SLC22A11: variants seen among roughly 807,000 people sequenced by gnomAD.
SLC22A11 encodes organic anion transporter 4.
In SLC22A11, 42 loss-of-function variants were observed where a neutral mutation model predicts 49.4. The observed-to-expected ratio is 0.85, with a 90% confidence interval of 0.66 to 1.10. The LOEUF (loss-of-function observed/expected upper bound fraction) is 1.10, where lower values mean the gene tolerates loss of function less well. Among genes scored for constraint, SLC22A11 ranks in the 50% least tolerant of loss-of-function variants. SLC22A11 has a pLI of 0.00. For synonymous variants in SLC22A11, 304 were observed against 315.8 expected, an observed-to-expected ratio of 0.96 and a Z score of 0.40; for missense variants, 685 against 731.6, an observed-to-expected ratio of 0.94 and a Z score of 0.74.
chr11:64,570,957 G>A (rs767739025), intron 9 of SLC22A11, 22 bp from the exon 10 acceptor site: 2 of 1,614,112 alleles, frequency 1.2e-6, no homozygotes, highest in Non-Finnish European at 1.7e-6. Flanking sequence ...ACATGGCACT[G>A]CTTTTCTTTG....
intron 6 of SLC22A11, 87 bp from the exon 7 acceptor site, chr11:64,567,512 C>A: frequency 7.7e-7 from 1 of 1,301,738 alleles, no homozygotes; most frequent in Non-Finnish European, 1.1e-6. Flanking sequence ...CATGTCCTCC[C>A]AGGCAGCTCC....
chr11:64,568,681 C>T lies in SLC22A11; in HGVS notation c.1285C>T (p.Leu429=), dbSNP rs1272260322. The T allele has an allele frequency of 6.2e-7, 1 of 1,614,078 alleles. No individual in the cohort carries two copies. The highest frequency in any genetic ancestry group is 8.5e-7 in the Non-Finnish European group (1 of 1,179,956). The change falls in exon 8 of 10, where the codon CTG becomes TTG. Residue 429 remains leucine, a synonymous_variant. Transcript: ENST00000301891. ...CTTCCTGTACCCAGATTTGCAGACC[C>T]TGCGTGTGGTCTTTGCTGTGCTGGG... ...NMLVPQDLQT[L]RVVFAVLGKG...
At chr11:64,568,893 C>T (rs1291318414) in intron 8 of SLC22A11, 115 bp downstream of exon 8, 4 of 834,234 alleles carry the variant, frequency 4.8e-6, no homozygotes, top group Non-Finnish European at 6.0e-6. Context: ...GCTCAGGGTC[C>T]CCCCCAGGAC....
intron 2 of SLC22A11, among the ~76,000 whole-genome samples, chr11:64,559,642 C>T (rs1196220203): frequency 1.3e-5 from 2 of 151,980 alleles, no homozygotes; most frequent in African/African-American, 2.4e-5. Flanking sequence ...AGAAGCCTCA[C>T]GTGGGCCAAA....
chr11:64,568,429 G>C (rs2038658114), intron 7 of SLC22A11, among the ~76,000 whole-genome samples: 1 of 152,232 alleles, frequency 6.6e-6, no homozygotes, highest in Admixed American at 6.5e-5. Flanking sequence ...CGGCCGGCCA[G>C]GCTCAGCTAC....
In SLC22A11 at chr11:64,571,798, G is replaced by C. The variant is rs2038707438; in HGVS notation, c.*756G>C. 6.6e-6 allele frequency: 1 copy of C among 152,412 alleles called. No individual in the cohort carries two copies. The allele number at this position is 152,412 out of a possible 1,614,324, so 9.4% of individuals were successfully genotyped here. On this transcript the variant is annotated 3_prime_UTR_variant, in exon 10 of 10. Coordinates refer to ENST00000301891, the MANE Select transcript of SLC22A11 (RefSeq NM_018484.4). ...TACCACACACGTGCGCAGAGCCCAC[G>C]AAGATGACGCTGCACTGAGGCATGG...
At chr11:64,563,045 T>C (rs544391143) in intron 4 of SLC22A11, among the ~76,000 whole-genome samples, 10 of 152,246 alleles carry the variant, frequency 6.6e-5, no homozygotes, top group African/African-American at 2.4e-4. Flanking sequence ...CCTCCTTGGG[T>C]TGGCACTGAG....
chr11:64,559,292 C>T (rs2038509256), intron 2 of SLC22A11, 54 bp downstream of exon 2: 2 of 1,337,288 alleles, frequency 1.5e-6, no homozygotes, highest in Non-Finnish European at 2.0e-6. Flanking sequence ...TTGTTGAAGA[C>T]TATGGGGCAG....
rs762304315 is a variant in SLC22A11, at chr11:64,562,470, C to G, written c.821+35C>G. On this transcript the variant is annotated intron_variant, in intron 4 of 9. Transcript: ENST00000301891. This position sits in a 1 kb window ranked among gnomAD's most constrained non-coding sequence, Gnocchi z 4.4. ...ATGTGGGACCTTTTCCTTAGGAGAC[C>G]CAGGGTGGGAGGGGGACTCTTCACT... 16 of 1,506,674 alleles carry G rather than the reference C, an allele frequency of 1.1e-5. No individual in the cohort carries two copies. In the South Asian group the frequency reaches 2.0e-4, roughly 19 times the overall value. The allele number at this position is 1,506,674 out of a possible 1,614,324, so 93.3% of individuals were successfully genotyped here.
chr11:64,570,166 GC>G, intron 9 of SLC22A11, among the ~76,000 whole-genome samples: 2 of 152,368 alleles, frequency 1.3e-5, no homozygotes, highest in African/African-American at 4.8e-5. Flanking sequence ...TTCCCCACCT[GC>G]CTGGGCAAGT....
intron 2 of SLC22A11, among the ~76,000 whole-genome samples, chr11:64,561,155 G>A (rs1355761203): frequency 6.6e-6 from 1 of 152,204 alleles, no homozygotes; most frequent in South Asian, 2.1e-4. Context: ...GGAGGCCACC[G>A]CAGCCCAGGG....
chr11:64,568,493 G>A (rs2135426530), intron 7 of SLC22A11, among the ~76,000 whole-genome samples, 177 bp from the exon 8 acceptor site: 1 of 152,160 alleles, frequency 6.6e-6, no homozygotes, highest in South Asian at 2.1e-4. Context: ...CCGCGATATC[G>A]CATCCTATGC....
intron 6 of SLC22A11, 23 bp from the exon 7 acceptor site, chr11:64,567,576 C>A: frequency 6.2e-7 from 1 of 1,610,658 alleles, no homozygotes; most frequent in Non-Finnish European, 8.5e-7. Context: ...GGGCAGGGAC[C>A]TGACTTCCAG....
chr11:64,570,484 G>T (rs1166347532), intron 9 of SLC22A11, among the ~76,000 whole-genome samples: 1 of 152,186 alleles, frequency 6.6e-6, no homozygotes, highest in Admixed American at 6.5e-5. Flanking sequence ...AAGTTTAAGG[G>T]AAGTATTATT....
intron 1 of SLC22A11, among the ~76,000 whole-genome samples, chr11:64,558,847 C>T (rs930388019): frequency 2.0e-5 from 3 of 152,204 alleles, no homozygotes; most frequent in African/African-American, 7.2e-5. Context: ...CACTTCTGCC[C>T]CTTCAAGGCC....
intron 4 of SLC22A11, among the ~76,000 whole-genome samples, chr11:64,563,564 G>A (rs1409507371): frequency 7.9e-6 from 1 of 125,878 alleles, no homozygotes; most frequent in Non-Finnish European, 1.6e-5. Flanking sequence ...AAATAGACTG[G>A]TTTTATAAAA....
At position 64,565,797 on chromosome 11, in the gene SLC22A11, T is replaced by G; in HGVS notation, c.1058+460T>G. On this transcript the variant is annotated intron_variant, in intron 6 of 9. Transcript: ENST00000301891. The surrounding 1 kb of genome is among the most constrained non-coding windows in gnomAD (Gnocchi z 4.1). ...CCACTTCACTGATGGGGAAAGAGGA[T>G]CCCAGAGGGGTAAGGAACAAGCCCA... 3.0e-6 allele frequency: 1 copy of G among 338,948 alleles called. No individual in the cohort carries two copies. Among genetic ancestry groups the G allele is most frequent in the South Asian group, 2.3e-5 (1 of 42,644 alleles). 21.0% of individuals were successfully genotyped at this position (338,948 alleles called of 1,614,324 possible).
At chr11:64,567,532 G>T in intron 6 of SLC22A11, 67 bp from the exon 7 acceptor site, 2 of 1,450,484 alleles carry the variant, frequency 1.4e-6, no homozygotes, top group Non-Finnish European at 1.9e-6. Flanking sequence ...CTGGTGGGAG[G>T]TGCTGTTGCT....
chr11:64,568,337 C>T (rs1393096482), intron 7 of SLC22A11, among the ~76,000 whole-genome samples: 3 of 151,610 alleles, frequency 2.0e-5, no homozygotes, highest in Non-Finnish European at 1.5e-5. Flanking sequence ...TGGACCGGGC[C>T]CGGCGCTCTC....
Sources: gnomAD v4.1 joint callset for allele counts (sites outside exome capture counted in the v4.1 genomes callset) on GRCh38, gnomAD v4.1.1 for gene constraint, Gnocchi (gnomAD v3.1) non-coding constraint, MANE v1.5 for transcripts, NCBI Gene and HGNC (gene_info 2026-07-23, HGNC 2026-07-21) for gene names.